The following DAOA variants were observed in gnomAD, a reference collection of about 807,000 sequenced individuals.
The protein encoded by DAOA is D-amino acid oxidase regulator.
A neutral mutation model predicts 16.4 loss-of-function variants in DAOA; 15 were observed. That is an observed-to-expected ratio of 0.91 (90% CI 0.61 to 1.41). The LOEUF (loss-of-function observed/expected upper bound fraction) is 1.41. Among genes scored for constraint, DAOA ranks in the 40% most tolerant of loss-of-function variants. The pLI, the probability that DAOA is intolerant of heterozygous loss-of-function variation, is 0.00. For synonymous variants in DAOA, 75 were observed against 59.1 expected (o/e 1.27, Z -1.23); for missense variants, 230 against 176.8 (o/e 1.30, Z -1.71).
At chr13:105,467,948 A>C (rs1236340209) in intron 3 of DAOA, among the ~76,000 whole-genome samples, 1 of 152,168 alleles carries the variant, frequency 6.6e-6, no homozygotes, top group Non-Finnish European at 1.5e-5. Context: ...ACCTGGCTAA[A>C]AGCAAGGAAT....
In DAOA at chr13:105,472,817, A is replaced by G. The variant is rs570361809; in HGVS notation, c.281+132A>G. ...CATGTTGAACTTTTATCTAGCTCAG[A>G]GATTATTTGTCTATTACATAGGAAC... On this transcript the variant is annotated intron_variant, in intron 4 of 5. Transcript: ENST00000375936. 1.9e-4 allele frequency: 139 copies of G among 712,846 alleles called. 2 individuals are homozygous for G. The South Asian group carries it at 5.2e-3, about 27-fold the overall frequency. 44.2% of individuals were successfully genotyped at this position (712,846 alleles called of 1,614,324 possible).
chr13:105,484,284 G>T (rs1364438996), intron 4 of DAOA, among the ~76,000 whole-genome samples: 3 of 151,440 alleles, frequency 2.0e-5, no homozygotes, highest in Admixed American at 2.0e-4. Context: ...TCCCAGTTTT[G>T]TTCTTTTAGA....
intron 4 of DAOA, among the ~76,000 whole-genome samples, chr13:105,479,995 T>C (rs559758661): frequency 1.3e-5 from 2 of 152,330 alleles, no homozygotes; most frequent in East Asian, 1.9e-4. Context: ...ATGTCTTCTT[T>C]AGCAGAAGCC....
At chr13:105,472,760 T>A in intron 4 of DAOA, 75 bp downstream of exon 4, 1 of 1,359,850 alleles carries the variant, frequency 7.4e-7, no homozygotes, top group Non-Finnish European at 1.0e-6. Context: ...CGAAAGCAAC[T>A]TCTCTGGGCT....
intron 4 of DAOA, among the ~76,000 whole-genome samples, chr13:105,475,543 A>G (rs1269227714): frequency 6.6e-6 from 1 of 152,046 alleles, no homozygotes; most frequent in Non-Finnish European, 1.5e-5. Context: ...AAAGGAGAGG[A>G]ACTTGACCAC....
chr13:105,466,263 C>G lies in DAOA; in HGVS notation c.-26C>G. The G allele has an allele frequency of 6.2e-7, 1 of 1,613,742 alleles. No homozygotes were observed. Among genetic ancestry groups the G allele is most frequent in the South Asian group, 1.1e-5 (1 of 90,982 alleles). ...AGGTCTCATCTCTGCTTCACAATGC[C>G]GATGATTTAGCTGGGAGGACCCAAA... On this transcript the variant is annotated 5_prime_UTR_variant, in exon 2 of 6. Transcript: ENST00000375936.
intron 3 of DAOA, among the ~76,000 whole-genome samples, chr13:105,467,914 T>C (rs1876648481): frequency 6.6e-6 from 1 of 152,164 alleles, no homozygotes; most frequent in African/African-American, 2.4e-5. Context: ...ATTTCATAGT[T>C]CTCATCAGGC....
At chr13:105,470,651 C>T (rs1252683589) in intron 3 of DAOA, among the ~76,000 whole-genome samples, 1 of 151,946 alleles carries the variant, frequency 6.6e-6, no homozygotes, top group African/African-American at 2.4e-5. Context: ...GCTCCGTTGC[C>T]CAGGCTGGAG....
Position 105,490,189 on chromosome 13 carries a change from C to G in DAOA, c.*108C>G, listed in dbSNP as rs886248689. 7.9e-7 allele frequency: 1 copy of G among 1,267,408 alleles called. No homozygotes were observed. Among genetic ancestry groups the G allele is most frequent in the Non-Finnish European group, 1.0e-6 (1 of 984,748 alleles). The allele number at this position is 1,267,408 out of a possible 1,614,324, so 78.5% of individuals were successfully genotyped here. ...TGTGTCTGGGACCCAGCTGATAACA[C>G]GTGGTAATATGTTTTATAAAATTAT... On this transcript the variant is annotated 3_prime_UTR_variant, in exon 5 of 6. Transcript: ENST00000375936.
chr13:105,473,830 A>T (rs1193833016), intron 4 of DAOA, among the ~76,000 whole-genome samples: 1 of 152,140 alleles, frequency 6.6e-6, no homozygotes, highest in South Asian at 2.1e-4. Flanking sequence ...CTAGAGTTCC[A>T]ATCAGAGCTG....
chr13:105,474,654 T>G (rs1232303538), intron 4 of DAOA, among the ~76,000 whole-genome samples: 1 of 152,066 alleles, frequency 6.6e-6, no homozygotes, highest in African/African-American at 2.4e-5. Flanking sequence ...ATGCATAAAT[T>G]TACAATTATA....
intron 3 of DAOA, among the ~76,000 whole-genome samples, chr13:105,468,428 A>G (rs1876690833): frequency 6.6e-6 from 1 of 152,172 alleles, no homozygotes; most frequent in South Asian, 2.1e-4. Context: ...TTTGAGTGCC[A>G]AGTTTAGATG....
At chr13:105,478,602 T>C (rs1877502290) in intron 4 of DAOA, among the ~76,000 whole-genome samples, 1 of 152,200 alleles carries the variant, frequency 6.6e-6, no homozygotes, top group Non-Finnish European at 1.5e-5. Flanking sequence ...ACATTTAGAC[T>C]AGAACCTTCT....
At chr13:105,482,151 G>C (rs551180087) in intron 4 of DAOA, among the ~76,000 whole-genome samples, 5 of 151,738 alleles carry the variant, frequency 3.3e-5, no homozygotes, top group African/African-American at 1.2e-4. Context: ...TACCTCCCAG[G>C]GTCCCTCCCA....
intron 4 of DAOA, among the ~76,000 whole-genome samples, chr13:105,478,325 C>T (rs1295689734): frequency 6.6e-6 from 1 of 152,182 alleles, no homozygotes; most frequent in Non-Finnish European, 1.5e-5. Context: ...CTGGTCTGTA[C>T]AGAAGCTTCC....
At chr13:105,472,240 A>AT (rs1342957494) in intron 3 of DAOA, among the ~76,000 whole-genome samples, 1 of 152,108 alleles carries the variant, frequency 6.6e-6, no homozygotes, top group Admixed American at 6.5e-5. Flanking sequence ...ACCACAGTTA[A>AT]TTTTTTCGTG....
chr13:105,474,189 T>A (rs1877184277), intron 4 of DAOA, among the ~76,000 whole-genome samples: 1 of 152,084 alleles, frequency 6.6e-6, no homozygotes, highest in African/African-American at 2.4e-5. Flanking sequence ...ATCTTTGATA[T>A]GTTGAGAATA....
At chr13:105,482,508 T>G (rs1211696777) in intron 4 of DAOA, among the ~76,000 whole-genome samples, 1 of 132,078 alleles carries the variant, frequency 7.6e-6, no homozygotes, top group Non-Finnish European at 1.5e-5. Flanking sequence ...TGGTGTAAGT[T>G]TTTTTTTTTT....
Position 105,490,009 on chromosome 13 carries a change from G to A in DAOA, c.390G>A (p.Trp130Ter). 1.9e-6 allele frequency: 3 copies of A among 1,611,936 alleles called. No individual in the cohort carries two copies. Among genetic ancestry groups the A allele is most frequent in the Non-Finnish European group, 2.5e-6 (3 of 1,179,144 alleles). The change falls in exon 5 of 6, where the codon TGG becomes TGA. Residue 130 changes from tryptophan to a stop codon, truncating the protein, a stop_gained. Coordinates refer to ENST00000375936, the MANE Select transcript of DAOA (RefSeq NM_172370.5). LOFTEE classifies it low-confidence loss of function (END_TRUNC). ...KDRRQPLERM[W>*]TCNYNQQKDQ... ...GCAGGCAGCCTCTAGAACGAATGTG[G>A]ACCTGCAACTACAACCAGCAAAAAG...
Sources: gnomAD v4.1 joint callset for allele counts (sites outside exome capture counted in the v4.1 genomes callset) on GRCh38, gnomAD v4.1.1 for gene constraint, MANE v1.5 for transcripts, NCBI Gene and HGNC (gene_info 2026-07-23, HGNC 2026-07-21) for gene names.